Variants in LHFPL3 observed in about 807,000 individuals in gnomAD.
LHFPL3 encodes LHFPL tetraspan subfamily member 3 protein.
LHFPL3 carries 5 observed loss-of-function variants against 19.3 expected under a neutral mutation model. The ratio of observed to expected loss-of-function variants is 0.26; its 90% CI spans 0.14 to 0.54. LHFPL3 has a LOEUF of 0.54. Ranked by LOEUF, LHFPL3 falls within the 20% of genes least tolerant of loss-of-function variation. LHFPL3 has a pLI of 0.94. For missense variants in LHFPL3, 249 were observed against 307.4 expected (o/e 0.81, Z 1.42); for synonymous variants, 133 against 126.2 (o/e 1.05, Z -0.36).
At chr7:104,824,152 A>AT (rs1790733829) in intron 2 of LHFPL3, among the ~76,000 whole-genome samples, 1 of 25,520 alleles carries the variant, frequency 3.9e-5, no homozygotes, top group African/African-American at 1.5e-4. Flanking sequence ...CTGTTTCAAA[A>AT]AAAATATATA....
At chr7:104,370,176 AC>A (rs957471009) in intron 1 of LHFPL3, among the ~76,000 whole-genome samples, 1 of 152,156 alleles carries the variant, frequency 6.6e-6, no homozygotes, top group African/African-American at 2.4e-5. Context: ...TGGAGAAGGA[AC>A]TAAAACTTGG....
chr7:104,492,961 C>T (rs888184633), intron 1 of LHFPL3, among the ~76,000 whole-genome samples: 11 of 152,122 alleles, frequency 7.2e-5, no homozygotes, highest in African/African-American at 2.2e-4. Flanking sequence ...GGGACATGTC[C>T]GACTGATCTT....
chr7:104,833,034 TA>T (rs1729319211), intron 2 of LHFPL3, among the ~76,000 whole-genome samples: 2 of 1,248 alleles, frequency 1.6e-3, no homozygotes, highest in Non-Finnish European at 4.0e-3. Flanking sequence ...AGATATATTA[TA>T]TATATATATT....
intron 1 of LHFPL3, among the ~76,000 whole-genome samples, chr7:104,466,320 A>T (rs952131862): frequency 6.6e-6 from 1 of 152,200 alleles, no homozygotes; most frequent in Non-Finnish European, 1.5e-5. Context: ...TATGCTACGG[A>T]TACATTTGAA....
chr7:104,549,773 C>T (rs1313397275), intron 1 of LHFPL3, among the ~76,000 whole-genome samples: 1 of 152,062 alleles, frequency 6.6e-6, no homozygotes, highest in Non-Finnish European at 1.5e-5. Flanking sequence ...GTTGAGTGGG[C>T]ACTGGGGATA....
At chr7:104,528,081 G>A (rs1219209763) in intron 1 of LHFPL3, among the ~76,000 whole-genome samples, 1 of 152,104 alleles carries the variant, frequency 6.6e-6, no homozygotes, top group Non-Finnish European at 1.5e-5. Context: ...TGTGGAAGGC[G>A]AAAAATTAAA....
chr7:104,350,236 T>C (rs181188457), intron 1 of LHFPL3, among the ~76,000 whole-genome samples: 28 of 152,306 alleles, frequency 1.8e-4, no homozygotes, highest in African/African-American at 6.3e-4. Flanking sequence ...TAGCCACACT[T>C]CAAATTCTCA....
intron 1 of LHFPL3, among the ~76,000 whole-genome samples, chr7:104,413,632 A>C (rs1791571330): frequency 6.6e-6 from 1 of 152,176 alleles, no homozygotes; most frequent in African/African-American, 2.4e-5. Flanking sequence ...CATGACCACC[A>C]AGCCTCTGCC....
chr7:104,526,673 C>T (rs1273232850), intron 1 of LHFPL3, among the ~76,000 whole-genome samples: 1 of 152,166 alleles, frequency 6.6e-6, no homozygotes, highest in African/African-American at 2.4e-5. Flanking sequence ...GTTGATGTTG[C>T]AATTCAGACT....
chr7:104,861,413 T>C (rs752303776), intron 2 of LHFPL3, among the ~76,000 whole-genome samples: 11 of 152,192 alleles, frequency 7.2e-5, no homozygotes, highest in Non-Finnish European at 1.3e-4. Flanking sequence ...ATCAGTCAGA[T>C]ACCAGCAGGA....
Position 104,846,048 on chromosome 7 carries a change from C to T in LHFPL3, c.683-60139C>T, listed in dbSNP as rs370585731. Among the ~76,000 whole-genome samples the T allele has an allele frequency of 1.1e-4, 16 of 152,164 alleles. No homozygotes were observed. The South Asian group carries it at 1.2e-3, about 12-fold the overall frequency. Reference sequence around the variant, plus strand: ...TATATGTGGAACAAAACTGTGACTACGAAGGAAAAAGAATAATGGGTTCCA... The same window carrying T: ...TATATGTGGAACAAAACTGTGACTATGAAGGAAAAAGAATAATGGGTTCCA... On this transcript the variant is annotated intron_variant, in intron 2 of 2. Transcript: ENST00000424859.
chr7:104,867,772 C>CA, intron 2 of LHFPL3, among the ~76,000 whole-genome samples: 1 of 151,968 alleles, frequency 6.6e-6, no homozygotes, highest in East Asian at 1.9e-4. Flanking sequence ...AGAGACACAA[C>CA]AAAAAAAGAG....
chr7:104,430,385 T>TATATATATATACTAA (rs1791942892), intron 1 of LHFPL3, among the ~76,000 whole-genome samples: 1 of 43,344 alleles, frequency 2.3e-5, no homozygotes, highest in Admixed American at 2.8e-4. Context: ...TATATATACA[T>TATATATATATACTAA]ATATATATAT....
intron 1 of LHFPL3, among the ~76,000 whole-genome samples, chr7:104,532,765 A>G (rs1477447006): frequency 6.6e-6 from 1 of 152,188 alleles, no homozygotes; most frequent in Non-Finnish European, 1.5e-5. Flanking sequence ...TACTATCACA[A>G]AAATTATCTT....
chr7:104,785,628 T>A (rs1789897694), intron 2 of LHFPL3: 1 of 152,240 alleles, frequency 6.6e-6, no homozygotes, highest in Non-Finnish European at 1.5e-5. Flanking sequence ...CTGCTTTCAC[T>A]GGCTGTCCAA....
At chr7:104,766,051 T>C (rs1013527386) in intron 2 of LHFPL3, among the ~76,000 whole-genome samples, 1 of 152,246 alleles carries the variant, frequency 6.6e-6, no homozygotes, top group African/African-American at 2.4e-5. Flanking sequence ...CTTGTTTCAA[T>C]ATCTTTTCTG....
At chr7:104,427,022 T>C (rs890742171) in intron 1 of LHFPL3, among the ~76,000 whole-genome samples, 46 of 152,360 alleles carry the variant, frequency 3.0e-4, no homozygotes, top group African/African-American at 7.9e-4. Context: ...TAAATAGTTA[T>C]AGAGTTCTGT....
chr7:104,458,547 T>C lies in LHFPL3; in HGVS notation c.445+129323T>C, dbSNP rs1456989030. 4.6e-5 allele frequency among the ~76,000 whole-genome samples: 7 copies of C among 152,160 alleles called. No homozygotes were observed. In the South Asian group the frequency reaches 6.2e-4, roughly 14 times the overall value. On this transcript the variant is annotated intron_variant, in intron 1 of 2. Coordinates refer to ENST00000424859, the MANE Select transcript of LHFPL3 (RefSeq NM_199000.3). ...TGTAGTATAGTTTGAAGTCAGGTAG[T>C]GTGATGCCTCCAGCTTTGTTCTTTT... is the stretch of plus-strand genomic sequence containing the variant.
chr7:104,390,543 A>G (rs1791044488), intron 1 of LHFPL3, among the ~76,000 whole-genome samples: 1 of 152,138 alleles, frequency 6.6e-6, no homozygotes, highest in African/African-American at 2.4e-5. Context: ...GTAGTATTCC[A>G]TGGTGTATAT....
Sources: allele counts gnomAD v4.1 joint callset (sites outside exome capture counted in the v4.1 genomes callset), GRCh38; gene constraint gnomAD v4.1.1; transcripts MANE v1.5; gene names NCBI Gene and HGNC (gene_info 2026-07-23, HGNC 2026-07-21).